Variants in FBXW4 observed in about 807,000 individuals in gnomAD.
The protein encoded by FBXW4 is F-box/WD repeat-containing protein 4.
FBXW4 carries 40 observed loss-of-function variants against 61.8 expected under a neutral mutation model. That is an observed-to-expected ratio of 0.65 (90% CI 0.50 to 0.84). The LOEUF is 0.84. Among genes scored for constraint, FBXW4 ranks in the 40% least tolerant of loss-of-function variants. The probability of loss-of-function intolerance (pLI) is 0.00; values close to 1 mark genes in which losing one functional copy is unlikely to be tolerated. For synonymous variants in FBXW4, 311 were observed against 313.8 expected (o/e 0.99, Z 0.10); for missense variants, 672 against 753.8 (o/e 0.89, Z 1.27).
rs1346751704 is a variant in FBXW4, at chr10:101,611,297, G to A, written c.1698C>T (p.Asn566=). The change falls in exon 9 of 9, where the codon AAC becomes AAT. Residue 566 remains asparagine, a synonymous_variant. Transcript: ENST00000331272. This position sits in a 1 kb window ranked among gnomAD's most constrained non-coding sequence, Gnocchi z 4.9. ...SYNLHVLDFQ[N]P ...GCAGGGGTGGCCCTGACGGTCATGG[G>A]TTTTGAAAATCCAGGACGTGGAGGT... 1 of 1,613,858 alleles carries A rather than the reference G, an allele frequency of 6.2e-7. No homozygotes were observed. The highest frequency in any genetic ancestry group is 8.5e-7 in the Non-Finnish European group (1 of 1,179,934).
chr10:101,655,856 G>C (rs2064180670), intron 5 of FBXW4, among the ~76,000 whole-genome samples: 2 of 152,220 alleles, frequency 1.3e-5, no homozygotes, highest in Admixed American at 1.3e-4. Context: ...ATCCTAGTGG[G>C]AGACTGCTCC....
intron 1 of FBXW4, among the ~76,000 whole-genome samples, chr10:101,692,740 C>A (rs1432550723): frequency 1.7e-5 from 2 of 114,582 alleles, no homozygotes; most frequent in Non-Finnish European, 3.6e-5. Context: ...GAGTGAAACT[C>A]CGTCTCAAAA....
Position 101,624,820 on chromosome 10 carries a change from A to G in FBXW4, c.1236-10T>C. On this transcript the variant is annotated splice_polypyrimidine_tract_variant and intron_variant, in intron 5 of 8. Coordinates refer to ENST00000331272, the MANE Select transcript of FBXW4 (RefSeq NM_022039.4). ...CCCTGTCACAAAAGAGCTGCCAAAC[A>G]AAAGGAGAACAAAGTCAGATCTGGC... 1.2e-6 allele frequency: 2 copies of G among 1,614,204 alleles called. No homozygotes were observed. The highest frequency in any genetic ancestry group is 2.2e-5 in the South Asian group (2 of 91,088).
intron 5 of FBXW4, among the ~76,000 whole-genome samples, chr10:101,666,238 C>T (rs776229555): frequency 3.9e-5 from 6 of 152,112 alleles, no homozygotes; most frequent in Non-Finnish European, 7.4e-5. Context: ...TTTTGAACAG[C>T]GACAGGTTTA....
chr10:101,672,253 G>A (rs2064364913), intron 4 of FBXW4, among the ~76,000 whole-genome samples: 1 of 152,244 alleles, frequency 6.6e-6, no homozygotes, highest in South Asian at 2.1e-4. Flanking sequence ...GGCTAGGGCT[G>A]TTGGGCACAA....
chr10:101,669,654 G>A (rs1422066587), intron 4 of FBXW4, among the ~76,000 whole-genome samples: 1 of 152,124 alleles, frequency 6.6e-6, no homozygotes, highest in East Asian at 1.9e-4. Flanking sequence ...TTCCATCCTG[G>A]CACCTGAGGG....
rs2064322075 is a variant in FBXW4, at chr10:101,667,941, G to GT, written c.1179dup (p.His394ThrfsTer6). ...ACTCGGTCTTCAGTCTGGATGGTGTGTAAGCACTGCCCCAGCCGGCCTGAG... is the reference window on the plus strand; with the variant it reads ...ACTCGGTCTTCAGTCTGGATGGTGTGTTAAGCACTGCCCCAGCCGGCCTGAG... On this transcript the variant is annotated frameshift_variant, in exon 5 of 9. Transcript: ENST00000331272. LOFTEE classifies it high-confidence loss of function. 2 of 1,614,116 alleles carry GT rather than the reference G, an allele frequency of 1.2e-6. No individual in the cohort carries two copies. The highest frequency in any genetic ancestry group is 1.7e-6 in the Non-Finnish European group (2 of 1,180,032).
intron 5 of FBXW4, among the ~76,000 whole-genome samples, chr10:101,637,765 T>G (rs1344787915): frequency 6.6e-6 from 1 of 150,670 alleles, no homozygotes; most frequent in East Asian, 1.9e-4. Flanking sequence ...CCTCCTCCTT[T>G]TAGAGATAAG....
intron 1 of FBXW4, among the ~76,000 whole-genome samples, chr10:101,691,363 C>A (rs1336218038): frequency 6.6e-6 from 1 of 152,198 alleles, no homozygotes; most frequent in East Asian, 1.9e-4. Context: ...CCTGCTGTAA[C>A]ACGCATAACT....
chr10:101,665,874 T>C (rs2064294151), intron 5 of FBXW4, among the ~76,000 whole-genome samples: 1 of 152,132 alleles, frequency 6.6e-6, no homozygotes, highest in Non-Finnish European at 1.5e-5. Context: ...GTTTGTGTTC[T>C]TTGGCTTCAA....
intron 5 of FBXW4, among the ~76,000 whole-genome samples, chr10:101,631,794 A>AT (rs1468423441): frequency 2.0e-5 from 3 of 151,962 alleles, no homozygotes; most frequent in Non-Finnish European, 4.4e-5. Context: ...CGCCTGGCTA[A>AT]TTTTTTGTAT....
In FBXW4 at chr10:101,678,472, C is replaced by CTGGA. The variant is rs1221299435; in HGVS notation, c.726-2040_726-2037dup. On this transcript the variant is annotated intron_variant, in intron 1 of 8. Coordinates refer to ENST00000331272, the MANE Select transcript of FBXW4 (RefSeq NM_022039.4). ...ACGGAGTCTCGCTCTGTCACCCAGG[C>CTGGA]TGGAGTGCAGTGGCACGATCTCGGC... Among the ~76,000 whole-genome samples, 3 of 152,320 alleles carry CTGGA rather than the reference C, an allele frequency of 2.0e-5. No individual in the cohort carries two copies. In the East Asian group the frequency reaches 5.8e-4, roughly 29 times the overall value.
intron 4 of FBXW4, 82 bp from the exon 5 acceptor site, chr10:101,668,062 T>C: frequency 9.4e-7 from 1 of 1,060,472 alleles, no homozygotes; most frequent in East Asian, 2.4e-5. Context: ...AGGTGACTGT[T>C]GGAGGTGGAG....
chr10:101,634,686 C>T (rs1162481058), intron 5 of FBXW4, among the ~76,000 whole-genome samples: 2 of 146,878 alleles, frequency 1.4e-5, no homozygotes, highest in Non-Finnish European at 3.0e-5. Context: ...ACTGAATACA[C>T]ATTTGAAAAA....
intron 5 of FBXW4, among the ~76,000 whole-genome samples, chr10:101,653,849 G>C (rs764085032): frequency 6.6e-6 from 1 of 152,084 alleles, no homozygotes; most frequent in Admixed American, 6.6e-5. Flanking sequence ...GGGGCCAGGC[G>C]CAGTGGCTCA....
chr10:101,641,759 C>T (rs17114146), intron 5 of FBXW4, among the ~76,000 whole-genome samples: 10,532 of 151,166 alleles, frequency 0.07, 485 homozygotes, highest in African/African-American at 0.13. Flanking sequence ...AAATTAGGTA[C>T]GAGGAAACCA....
At chr10:101,657,949 T>C (rs1316336735) in intron 5 of FBXW4, among the ~76,000 whole-genome samples, 2 of 152,226 alleles carry the variant, frequency 1.3e-5, no homozygotes, top group Non-Finnish European at 2.9e-5. Flanking sequence ...GTGTACAACA[T>C]GGTGCCTATT....
At position 101,626,487 on chromosome 10, in the gene FBXW4, A is replaced by G. The variant is rs1008036596; in HGVS notation, c.1236-1677T>C. 1.5e-4 allele frequency: 23 copies of G among 152,698 alleles called. 1 individual carries two copies. The highest frequency in any genetic ancestry group is 3.1e-4 in the Non-Finnish European group (21 of 68,122). 9.5% of individuals were successfully genotyped at this position (152,698 alleles called of 1,614,324 possible). ...GGCCAGGTGAAGGGCGCCAGCACAG[A>G]CACAGGCATCTCTTTTTTTTTTGAG... On this transcript the variant is annotated intron_variant, in intron 5 of 8. Transcript: ENST00000331272.
At chr10:101,625,024 C>T in intron 5 of FBXW4, 1 of 608,710 alleles carries the variant, frequency 1.6e-6, no homozygotes, top group Non-Finnish European at 2.9e-6. Flanking sequence ...CCAGAAGACC[C>T]ACGAGCTCAG....
Sources: gnomAD v4.1 joint callset for allele counts (sites outside exome capture counted in the v4.1 genomes callset) on GRCh38, gnomAD v4.1.1 for gene constraint, Gnocchi (gnomAD v3.1) non-coding constraint, MANE v1.5 for transcripts, NCBI Gene and HGNC (gene_info 2026-07-23, HGNC 2026-07-21) for gene names.